SS18: variants seen among roughly 807,000 people sequenced by gnomAD.
SS18 encodes protein SSXT.
SS18 carries 28 observed loss-of-function variants against 72.5 expected under a neutral mutation model. The observed-to-expected ratio is 0.39, with a 90% CI of 0.29 to 0.53. SS18 has a LOEUF of 0.53. SS18 is among the 20% of genes least tolerant of loss of function. The probability of loss-of-function intolerance (pLI) is 0.76; values close to 1 mark genes in which losing one functional copy is unlikely to be tolerated. For synonymous variants in SS18, 172 were observed against 164.2 expected, an observed-to-expected ratio of 1.05 and a Z score of -0.37; for missense variants, 518 against 535.3, an observed-to-expected ratio of 0.97 and a Z score of 0.32.
At chr18:26,034,964 A>G (rs751616126) in intron 9 of SS18, 41 bp downstream of exon 9, 1 of 1,583,154 alleles carries the variant, frequency 6.3e-7, no homozygotes, top group Non-Finnish European at 8.6e-7. Context: ...AACAATCAGC[A>G]CATTTTTTTG....
At chr18:26,031,345 G>A (rs1374270472) in intron 10 of SS18, among the ~76,000 whole-genome samples, 3 of 152,148 alleles carry the variant, frequency 2.0e-5, no homozygotes, top group Non-Finnish European at 4.4e-5. Flanking sequence ...TCAAAGAACT[G>A]CTCATGCCTC....
intron 3 of SS18, among the ~76,000 whole-genome samples, chr18:26,070,415 T>A (rs1453215741): frequency 6.6e-6 from 1 of 152,220 alleles, no homozygotes; most frequent in Non-Finnish European, 1.5e-5. Flanking sequence ...ATAGAACAAC[T>A]TCTCCCATTT....
chr18:26,032,999 A>G (rs544877902), intron 9 of SS18, among the ~76,000 whole-genome samples: 1 of 152,368 alleles, frequency 6.6e-6, no homozygotes, highest in African/African-American at 2.4e-5. Context: ...GCAATCACCA[A>G]AAGTATATGT....
intron 2 of SS18, among the ~76,000 whole-genome samples, chr18:26,080,769 T>A (rs2054503857): frequency 6.6e-6 from 1 of 152,122 alleles, no homozygotes; most frequent in African/African-American, 2.4e-5. Context: ...TTTCCTATCA[T>A]CTCTAAATAC....
intron 5 of SS18, among the ~76,000 whole-genome samples, chr18:26,047,035 T>A (rs925167049): frequency 3.9e-5 from 6 of 152,168 alleles, no homozygotes; most frequent in African/African-American, 1.2e-4. Context: ...CAGTAACTGA[T>A]ATTCATGTAT....
intron 5 of SS18, among the ~76,000 whole-genome samples, chr18:26,050,930 A>AAATG (rs575053924): frequency 3.3e-5 from 5 of 152,016 alleles, no homozygotes; most frequent in Non-Finnish European, 5.9e-5. Context: ...ATAAATAAAT[A>AAATG]AACAAATAAA....
intron 3 of SS18, among the ~76,000 whole-genome samples, chr18:26,077,230 C>T (rs2054432216): frequency 6.6e-6 from 1 of 151,936 alleles, no homozygotes; most frequent in Admixed American, 6.6e-5. Context: ...AAAAATGGAA[C>T]AACCAAACAT....
chr18:26,038,360 G>A (rs573522965), intron 7 of SS18, among the ~76,000 whole-genome samples, 195 bp downstream of exon 7: 1 of 152,064 alleles, frequency 6.6e-6, no homozygotes, highest in Non-Finnish European at 1.5e-5. Flanking sequence ...TGGTACTAAT[G>A]GAACACCTAA....
At chr18:26,067,585 A>C (rs1187708355) in intron 3 of SS18, among the ~76,000 whole-genome samples, 1 of 152,166 alleles carries the variant, frequency 6.6e-6, no homozygotes, top group African/African-American at 2.4e-5. Flanking sequence ...TAGATGGAAC[A>C]CCTGAAGTCA....
rs1011930626 is a variant in SS18, at chr18:26,016,723, CA to C, written c.*1630del. ...GGGCGACAAGAGCAAGACTCCATCTCAAAAAAAAAAACAAAGAACAAAAAAC... is the reference window on the plus strand; with the variant it reads ...GGGCGACAAGAGCAAGACTCCATCTCAAAAAAAAAACAAAGAACAAAAAAC... On this transcript the variant is annotated 3_prime_UTR_variant, in exon 11 of 11. Transcript: ENST00000415083. The C allele has an allele frequency of 4.8e-3, 905 of 186,768 alleles. No homozygotes were observed. Among genetic ancestry groups the C allele is most frequent in the Middle Eastern group, 0.013 (7 of 534 alleles). 11.6% of individuals were successfully genotyped at this position (186,768 alleles called of 1,614,324 possible). A position where few individuals can be genotyped will look rare whatever the true frequency, so the allele number is the denominator to read the frequency against.
intron 3 of SS18, among the ~76,000 whole-genome samples, chr18:26,063,330 T>C (rs2054157399): frequency 6.6e-6 from 1 of 151,994 alleles, no homozygotes; most frequent in South Asian, 2.1e-4. Context: ...CCATCCTGGC[T>C]AACAAGGTGA....
chr18:26,075,860 A>C (rs1253437714), intron 3 of SS18, among the ~76,000 whole-genome samples: 1 of 152,006 alleles, frequency 6.6e-6, no homozygotes, highest in Non-Finnish European at 1.5e-5. Context: ...CTCAGAAGCA[A>C]GAGCTGAACA....
chr18:26,068,716 A>G (rs1005479047), intron 3 of SS18, among the ~76,000 whole-genome samples: 9 of 152,236 alleles, frequency 5.9e-5, no homozygotes, highest in Non-Finnish European at 1.0e-4. Flanking sequence ...GGCTCTGCTC[A>G]GAATGTCAAA....
At chr18:26,047,923 C>T (rs1433703688) in intron 5 of SS18, among the ~76,000 whole-genome samples, 1 of 152,216 alleles carries the variant, frequency 6.6e-6, no homozygotes, top group Non-Finnish European at 1.5e-5. Context: ...GTGAAATTCA[C>T]ATAAGGCAAA....
intron 3 of SS18, among the ~76,000 whole-genome samples, chr18:26,077,779 T>TG (rs1427478001): frequency 6.6e-6 from 1 of 152,160 alleles, no homozygotes; most frequent in African/African-American, 2.4e-5. Flanking sequence ...GTAAGATGTC[T>TG]GGGACTTGCT....
chr18:26,034,870 TTAACAGTAGACTAG>T, intron 9 of SS18, 121 bp downstream of exon 9: 1 of 1,164,098 alleles, frequency 8.6e-7, no homozygotes, highest in Non-Finnish European at 1.2e-6. Context: ...AACCAACATT[TTAACAGTAGACTAG>T]TCTAAAACTG....
intron 3 of SS18, among the ~76,000 whole-genome samples, chr18:26,075,032 G>A (rs2054387285): frequency 6.6e-6 from 1 of 151,568 alleles, no homozygotes; most frequent in Admixed American, 6.6e-5. Context: ...ACCAAAATAG[G>A]CAATTTATAA....
chr18:26,064,947 T>C (rs1374034843), intron 3 of SS18: 1 of 152,084 alleles, frequency 6.6e-6, no homozygotes, highest in Non-Finnish European at 1.5e-5. Context: ...TTCTATATAT[T>C]TCCAAAAAAC....
At chr18:26,045,354 T>A (rs903301832) in intron 5 of SS18, among the ~76,000 whole-genome samples, 1 of 152,152 alleles carries the variant, frequency 6.6e-6, no homozygotes, top group African/African-American at 2.4e-5. Context: ...TTATTTCTTA[T>A]GACTTCCCAC....
Sources: allele counts gnomAD v4.1 joint callset (sites outside exome capture counted in the v4.1 genomes callset), GRCh38; gene constraint gnomAD v4.1.1; transcripts MANE v1.5; gene names NCBI Gene and HGNC (gene_info 2026-07-23, HGNC 2026-07-21).